Variants in UEVLD observed in about 807,000 individuals in gnomAD.
UEVLD encodes the protein ubiquitin-conjugating enzyme E2 variant 3.
In UEVLD, 47 loss-of-function variants were observed where a neutral mutation model predicts 58.6. That is an observed-to-expected ratio of 0.80 (90% confidence interval 0.63 to 1.02). The LOEUF (loss-of-function observed/expected upper bound fraction) is 1.02, where lower values mean the gene tolerates loss of function less well. UEVLD is among the 50% of genes least tolerant of loss of function. UEVLD has a pLI of 0.00. For missense variants in UEVLD, 510 were observed against 550.6 expected (o/e 0.93, Z 0.74); for synonymous variants, 197 against 195.3 (o/e 1.01, Z -0.07).
intron 1 of UEVLD, among the ~76,000 whole-genome samples, chr11:18,582,110 A>G (rs542957993): frequency 2.6e-4 from 39 of 152,292 alleles, no homozygotes; most frequent in African/African-American, 9.4e-4. Flanking sequence ...TGGAATATAC[A>G]TATTATCAAC....
intron 8 of UEVLD, among the ~76,000 whole-genome samples, chr11:18,546,563 T>C (rs1459843876): frequency 6.6e-6 from 1 of 151,518 alleles, no homozygotes; most frequent in Non-Finnish European, 1.5e-5. Flanking sequence ...AGTGACACCA[T>C]CTTGGCCTCA....
chr11:18,530,347 T>G lies in UEVLD; in HGVS notation c.*1973A>C, dbSNP rs920368018. 1 of 152,242 alleles carries G rather than the reference T, an allele frequency of 6.6e-6. No homozygotes were observed. The highest frequency in any genetic ancestry group is 1.5e-5 in the Non-Finnish European group (1 of 68,040). 9.4% of individuals were successfully genotyped at this position (152,242 alleles called of 1,614,324 possible). ...TTCAGTTAACTCTGGTTGGAATCTT[T>G]CCAAGCATATTAAATAGTTTTCTGC... On this transcript the variant is annotated 3_prime_UTR_variant, in exon 12 of 12. Coordinates refer to ENST00000396197, the MANE Select transcript of UEVLD (RefSeq NM_001040697.4).
At chr11:18,553,604 G>A (rs1485904769) in intron 7 of UEVLD, among the ~76,000 whole-genome samples, 1 of 152,224 alleles carries the variant, frequency 6.6e-6, no homozygotes, top group Non-Finnish European at 1.5e-5. Context: ...GTGAAAAAGT[G>A]CAACCCGATG....
Position 18,588,680 on chromosome 11 carries a change from C to G in UEVLD, c.-26G>C. 5 of 1,605,396 alleles carry G rather than the reference C, an allele frequency of 3.1e-6. No homozygotes were observed. Among genetic ancestry groups the G allele is most frequent in the Non-Finnish European group, 4.2e-6 (5 of 1,179,196 alleles). On this transcript the variant is annotated 5_prime_UTR_variant, in exon 1 of 12. Transcript: ENST00000396197. ...CTCCAGGCCGGTCCCGAGCTAGGTC[C>G]CAGGACTCCAGCCCCCGGACCTTCT... is the stretch of plus-strand genomic sequence containing the variant.
At chr11:18,541,990 G>A (rs1022592733) in intron 9 of UEVLD, among the ~76,000 whole-genome samples, 18 of 152,030 alleles carry the variant, frequency 1.2e-4, no homozygotes, top group African/African-American at 3.9e-4. Context: ...CTCTAATAAC[G>A]TGGCTATCTC....
intron 1 of UEVLD, among the ~76,000 whole-genome samples, chr11:18,588,140 C>G (rs1853677709): frequency 6.6e-6 from 1 of 152,140 alleles, no homozygotes; most frequent in African/African-American, 2.4e-5. Context: ...AAGGGGCTCA[C>G]AGCAAGATTA....
chr11:18,572,530 C>T (rs751403752), intron 3 of UEVLD, among the ~76,000 whole-genome samples: 1 of 151,606 alleles, frequency 6.6e-6, no homozygotes, highest in Non-Finnish European at 1.5e-5. Context: ...CAAGGCTGGG[C>T]GCGGTGGCTC....
At chr11:18,545,970 A>G (rs530627171) in intron 8 of UEVLD, among the ~76,000 whole-genome samples, 15 of 152,146 alleles carry the variant, frequency 9.9e-5, no homozygotes, top group Non-Finnish European at 1.8e-4. Context: ...AAACACAACT[A>G]CTTTTTTCTT....
At chr11:18,581,677 C>CA (rs11443134) in intron 1 of UEVLD, among the ~76,000 whole-genome samples, 26,576 of 98,722 alleles carry the variant, frequency 0.27, 2,711 homozygotes, top group East Asian at 0.49. Flanking sequence ...GACACTGTCT[C>CA]AAAAAAAAAA....
chr11:18,544,979 C>T (rs1359376985), intron 8 of UEVLD, among the ~76,000 whole-genome samples, 183 bp from the exon 9 acceptor site: 3 of 139,132 alleles, frequency 2.2e-5, no homozygotes, highest in African/African-American at 8.1e-5. Flanking sequence ...ATATAATACA[C>T]ACATACATAC....
At chr11:18,554,929 T>C (rs762057624) in intron 7 of UEVLD, among the ~76,000 whole-genome samples, 15 of 152,348 alleles carry the variant, frequency 9.8e-5, no homozygotes, top group Non-Finnish European at 1.6e-4. Flanking sequence ...ATTCCCCGAA[T>C]TATTGATGTA....
chr11:18,565,102 T>C, intron 5 of UEVLD, 92 bp from the exon 6 acceptor site: 1 of 914,798 alleles, frequency 1.1e-6, no homozygotes, highest in Non-Finnish European at 1.7e-6. Context: ...CTTCATAGCT[T>C]AGAGAGAAAA....
chr11:18,554,758 T>C (rs1851686358), intron 7 of UEVLD, among the ~76,000 whole-genome samples: 2 of 152,110 alleles, frequency 1.3e-5, no homozygotes, highest in African/African-American at 4.8e-5. Flanking sequence ...TAAGTGTGTA[T>C]GTATGTATCT....
intron 9 of UEVLD, among the ~76,000 whole-genome samples, chr11:18,538,470 C>T (rs1004149551): frequency 3.3e-5 from 5 of 151,644 alleles, no homozygotes; most frequent in Admixed American, 2.0e-4. Flanking sequence ...TGCACCCCCA[C>T]GCCCGGGTAA....
chr11:18,551,517 T>C (rs957664712), intron 7 of UEVLD, among the ~76,000 whole-genome samples: 2 of 151,282 alleles, frequency 1.3e-5, no homozygotes, highest in African/African-American at 4.9e-5. Context: ...TCACAGGTAA[T>C]GTGTTAGGCC....
intron 9 of UEVLD, among the ~76,000 whole-genome samples, chr11:18,541,435 C>T (rs2271079): frequency 0.1 from 15,953 of 152,168 alleles, 826 homozygotes; most frequent in Middle Eastern, 0.13. Flanking sequence ...GTGATTGTCC[C>T]TAGGAAGAAG....
chr11:18,580,187 A>AG, intron 1 of UEVLD, among the ~76,000 whole-genome samples: 1 of 152,120 alleles, frequency 6.6e-6, no homozygotes, highest in Admixed American at 6.5e-5. Context: ...TATCATCAAA[A>AG]GGAGAAAATA....
rs1852523640 is a variant in UEVLD, at chr11:18,570,226, T to C, written c.345A>G (p.Gln115=). 2 of 1,599,164 alleles carry C rather than the reference T, an allele frequency of 1.3e-6. No homozygotes were observed. The highest frequency in any genetic ancestry group is 1.7e-6 in the Non-Finnish European group (2 of 1,175,418). ...AQGRIYLPYL[Q]NWSHPKSVIV... ...AAATTGATCTTACATGGCTCCAGTT[T>C]TGGAGATAGGGCAAATATATTCTGC... Residue 115 remains glutamine, a synonymous_variant, in exon 4 of 12, where the codon CAA becomes CAG. Coordinates refer to ENST00000396197, the MANE Select transcript of UEVLD (RefSeq NM_001040697.4).
chr11:18,535,346 A>C (rs1408026883), intron 10 of UEVLD, among the ~76,000 whole-genome samples: 1 of 152,196 alleles, frequency 6.6e-6, no homozygotes, highest in African/African-American at 2.4e-5. Flanking sequence ...TATTTTATAG[A>C]TATCTGCAGT....
Sources: allele counts gnomAD v4.1 joint callset (sites outside exome capture counted in the v4.1 genomes callset), GRCh38; gene constraint gnomAD v4.1.1; transcripts MANE v1.5; gene names NCBI Gene and HGNC (gene_info 2026-07-23, HGNC 2026-07-21).